The following GNAQ variants were observed in gnomAD, a reference collection of about 807,000 sequenced individuals.
The protein encoded by GNAQ is guanine nucleotide-binding protein G(q) subunit alpha.
GNAQ carries 8 observed loss-of-function variants against 43.9 expected under a neutral mutation model. The observed-to-expected ratio is 0.18, with a 90% CI of 0.11 to 0.33. The LOEUF is 0.33. Ranked by LOEUF, GNAQ falls within the 10% of genes least tolerant of loss-of-function variation. The probability of loss-of-function intolerance (pLI) is 1.00; values close to 1 mark genes in which losing one functional copy is unlikely to be tolerated. For synonymous variants in GNAQ, 155 were observed against 170.7 expected (o/e 0.91, Z 0.71); for missense variants, 158 against 450.8 (o/e 0.35, Z 5.88).
At chr9:77,820,862 A>G (rs1056169799) in intron 2 of GNAQ, among the ~76,000 whole-genome samples, 5 of 152,204 alleles carry the variant, frequency 3.3e-5, no homozygotes, top group African/African-American at 1.2e-4. Context: ...AAGATGGAAC[A>G]ATTTGTTGTA....
intron 2 of GNAQ, among the ~76,000 whole-genome samples, chr9:77,819,786 A>AG (rs1187171030): frequency 3.3e-5 from 5 of 151,442 alleles, no homozygotes; most frequent in Non-Finnish European, 7.4e-5. Context: ...CTGTGGAAAA[A>AG]AAAAAAAAAC....
rs183402453 is a variant in GNAQ at position 77,740,317 on chromosome 9, T to C, written c.736-11650A>G. 3.7e-4 allele frequency among the ~76,000 whole-genome samples: 57 copies of C among 152,312 alleles called. No homozygotes were observed. In the East Asian group the frequency reaches 8.9e-3, roughly 24 times the overall value. On this transcript the variant is annotated intron_variant, in intron 5 of 6. Coordinates refer to ENST00000286548, the MANE Select transcript of GNAQ (RefSeq NM_002072.5). ...GCCCATGACTATGTCCACACTGAAG[T>C]TCTTTTCTTTATCTTTTGGTTTCTA...
chr9:77,765,026 C>A (rs139594540), intron 5 of GNAQ, among the ~76,000 whole-genome samples: 1 of 152,130 alleles, frequency 6.6e-6, no homozygotes, highest in Non-Finnish European at 1.5e-5. Flanking sequence ...TCGGGATAAC[C>A]TGGGAATTTG....
chr9:77,718,077 G>T lies in GNAQ; in HGVS notation c.*3246C>A, dbSNP rs1305536619. ...AAAATCATCTGTAAACTGGTACACT[G>T]CAATGTGTTAAGTGAGTCATGAAAT... On this transcript the variant is annotated 3_prime_UTR_variant, in exon 7 of 7. Coordinates refer to ENST00000286548, the MANE Select transcript of GNAQ (RefSeq NM_002072.5). 1.3e-5 allele frequency: 3 copies of T among 232,632 alleles called. No individual in the cohort carries two copies. Among genetic ancestry groups the T allele is most frequent in the Admixed American group, 5.6e-5 (1 of 17,750 alleles). The allele number at this position is 232,632 out of a possible 1,614,324, so 14.4% of individuals were successfully genotyped here.
At chr9:77,723,537 T>C (rs766782823) in intron 6 of GNAQ, among the ~76,000 whole-genome samples, 4 of 152,110 alleles carry the variant, frequency 2.6e-5, no homozygotes, top group African/African-American at 9.7e-5. Context: ...CATCAACAGA[T>C]ACATGGAGAA....
chr9:77,864,187 A>G (rs1397021762), intron 2 of GNAQ, among the ~76,000 whole-genome samples: 1 of 133,480 alleles, frequency 7.5e-6, no homozygotes, highest in African/African-American at 2.8e-5. Flanking sequence ...TTTTTTTTTT[A>G]AACAATTAGT....
intron 2 of GNAQ, among the ~76,000 whole-genome samples, chr9:77,822,036 A>G (rs1292320997): frequency 6.6e-6 from 1 of 152,178 alleles, no homozygotes; most frequent in African/African-American, 2.4e-5. Context: ...GAGAATGGGG[A>G]GAATAATGGT....
intron 1 of GNAQ, among the ~76,000 whole-genome samples, chr9:77,956,245 A>G (rs1823039036): frequency 6.6e-6 from 1 of 152,200 alleles, no homozygotes; most frequent in Admixed American, 6.5e-5. Flanking sequence ...TACACTAATT[A>G]GACCCCAAAA....
intron 1 of GNAQ, among the ~76,000 whole-genome samples, chr9:78,028,300 A>G (rs1222222443): frequency 1.3e-5 from 2 of 152,102 alleles, no homozygotes; most frequent in Non-Finnish European, 2.9e-5. Flanking sequence ...TCACGTTTCT[A>G]AAGTTAAAAT....
chr9:77,987,634 G>A lies in GNAQ; in HGVS notation c.136+43466C>T, dbSNP rs142493147. Among the ~76,000 whole-genome samples, 443 of 152,216 alleles carry A rather than the reference G, an allele frequency of 2.9e-3. 4 individuals carry two copies. The highest frequency in any genetic ancestry group is 0.01 in the African/African-American group (423 of 41,552). ...TCCGCAATATTTACTAAGCAACATC[G>A]TACCAGGTCCTGTTCTAGGTACTTA... On this transcript the variant is annotated intron_variant, in intron 1 of 6. Transcript: ENST00000286548.
chr9:77,727,255 T>G (rs888880495), intron 6 of GNAQ, among the ~76,000 whole-genome samples: 4 of 152,126 alleles, frequency 2.6e-5, no homozygotes, highest in Non-Finnish European at 5.9e-5. Flanking sequence ...TGTGCTCAAG[T>G]GATCCTCTCA....
chr9:77,769,946 G>A (rs1438817324), intron 5 of GNAQ, among the ~76,000 whole-genome samples: 1 of 152,108 alleles, frequency 6.6e-6, no homozygotes, highest in Non-Finnish European at 1.5e-5. Context: ...GATTACAGAC[G>A]TGAGCCACCG....
At chr9:77,869,618 G>A (rs556085140) in intron 2 of GNAQ, among the ~76,000 whole-genome samples, 1 of 152,274 alleles carries the variant, frequency 6.6e-6, no homozygotes, top group East Asian at 1.9e-4. Flanking sequence ...AAAATTCGTA[G>A]CTAGTCTCAA....
intron 1 of GNAQ, among the ~76,000 whole-genome samples, chr9:78,021,964 A>G (rs1037410335): frequency 6.6e-6 from 1 of 152,194 alleles, no homozygotes; most frequent in Non-Finnish European, 1.5e-5. Flanking sequence ...CAAGAGACCC[A>G]TGCTGATATG....
intron 1 of GNAQ, among the ~76,000 whole-genome samples, chr9:77,955,473 G>GA (rs1823030301): frequency 6.6e-6 from 1 of 152,130 alleles, no homozygotes; most frequent in Non-Finnish European, 1.5e-5. Context: ...AATCATGAAA[G>GA]AAAATAGGAA....
At chr9:78,004,701 T>C (rs748652515) in intron 1 of GNAQ, among the ~76,000 whole-genome samples, 2 of 152,022 alleles carry the variant, frequency 1.3e-5, no homozygotes, top group Non-Finnish European at 2.9e-5. Context: ...TAAAACGTCA[T>C]AGGAGTCAAC....
chr9:77,805,017 C>T (rs1279578366), intron 3 of GNAQ, among the ~76,000 whole-genome samples: 1 of 151,908 alleles, frequency 6.6e-6, no homozygotes, highest in African/African-American at 2.4e-5. Flanking sequence ...ACACAGTTAT[C>T]GTGCAGTTGC....
At chr9:77,793,746 T>C (rs753843810) in intron 5 of GNAQ, among the ~76,000 whole-genome samples, 9 of 152,080 alleles carry the variant, frequency 5.9e-5, no homozygotes, top group Non-Finnish European at 1.0e-4. Flanking sequence ...AAGTACAGAT[T>C]TCTACATCCC....
At chr9:77,894,971 C>T (rs1442430150) in intron 2 of GNAQ, among the ~76,000 whole-genome samples, 6 of 151,102 alleles carry the variant, frequency 4.0e-5, no homozygotes, top group Admixed American at 3.3e-4. Flanking sequence ...AGGCAGATCA[C>T]GAGGTCAGGA....
Sources: allele counts gnomAD v4.1 joint callset (sites outside exome capture counted in the v4.1 genomes callset), GRCh38; gene constraint gnomAD v4.1.1; transcripts MANE v1.5; gene names NCBI Gene and HGNC (gene_info 2026-07-23, HGNC 2026-07-21).